Variants in SIK3 observed in about 807,000 individuals in gnomAD.
SIK3 encodes SIK family kinase 3.
A neutral mutation model predicts 144.2 loss-of-function variants in SIK3; 28 were observed. The ratio of observed to expected loss-of-function variants is 0.19; its 90% CI spans 0.14 to 0.27. SIK3 has a LOEUF of 0.27. Among genes scored for constraint, SIK3 ranks in the 10% least tolerant of loss-of-function variants. The pLI, the probability that SIK3 is intolerant of heterozygous loss-of-function variation, is 1.00. For synonymous variants in SIK3, 686 were observed against 676.3 expected (o/e 1.01, Z -0.22); for missense variants, 1,319 against 1,776.0 (o/e 0.74, Z 4.62).
At chr11:116,972,140 C>CAA (rs1022219474) in intron 1 of SIK3, among the ~76,000 whole-genome samples, 5 of 150,948 alleles carry the variant, frequency 3.3e-5, no homozygotes, top group African/African-American at 1.2e-4. Flanking sequence ...TTAACCCATA[C>CAA]AACAACCCTA....
intron 4 of SIK3, among the ~76,000 whole-genome samples, chr11:116,902,808 A>AC (rs994729357): frequency 6.6e-6 from 1 of 152,038 alleles, no homozygotes; most frequent in African/African-American, 2.4e-5. Context: ...GACACCTTTT[A>AC]CCCCCCAATT....
intron 21 of SIK3, among the ~76,000 whole-genome samples, chr11:116,852,810 G>T (rs555324410): frequency 6.6e-6 from 1 of 152,212 alleles, no homozygotes; most frequent in African/African-American, 2.4e-5. Context: ...ATTTCCAGGA[G>T]AAGCCTCTGA....
chr11:117,002,964 G>A (rs747962126), intron 1 of SIK3, among the ~76,000 whole-genome samples: 1 of 152,216 alleles, frequency 6.6e-6, no homozygotes, highest in African/African-American at 2.4e-5. Context: ...CAGTACTGAT[G>A]AAGTCCGGAT....
chr11:116,966,678 A>T (rs915346925), intron 1 of SIK3, among the ~76,000 whole-genome samples: 5 of 134,388 alleles, frequency 3.7e-5, no homozygotes, highest in Admixed American at 7.2e-5. Context: ...TGAAATTTTT[A>T]AAAAAGTAGT....
chr11:117,007,254 T>C (rs748850490), intron 1 of SIK3, among the ~76,000 whole-genome samples: 3 of 152,172 alleles, frequency 2.0e-5, no homozygotes, highest in Non-Finnish European at 4.4e-5. Flanking sequence ...GGTGAGCACC[T>C]GTAATCCCAG....
At chr11:116,881,075 G>C (rs1944520348) in intron 6 of SIK3, among the ~76,000 whole-genome samples, 1 of 152,056 alleles carries the variant, frequency 6.6e-6, no homozygotes, top group South Asian at 2.1e-4. Context: ...AGTGAGCCGA[G>C]ATCGCACCAC....
intron 1 of SIK3, among the ~76,000 whole-genome samples, chr11:116,987,336 A>C (rs1007097834): frequency 6.6e-6 from 1 of 151,820 alleles, no homozygotes; most frequent in African/African-American, 2.4e-5. Context: ...AAAAAAAAAA[A>C]AACACAGAGA....
intron 1 of SIK3, among the ~76,000 whole-genome samples, chr11:116,969,949 T>C (rs567985393): frequency 6.6e-6 from 1 of 152,292 alleles, no homozygotes; most frequent in Non-Finnish European, 1.5e-5. Context: ...ACCCCTCTAA[T>C]CCTCAATGTT....
rs112983703 is a variant in SIK3, at chr11:116,930,039, C to CT, written c.455-2660dup. ...AGATACAAAGAAGATAAACAAATCACTTTTTTTTTTCCCCTGGACTCTAAA... is the reference window on the plus strand; with the variant it reads ...AGATACAAAGAAGATAAACAAATCACTTTTTTTTTTTCCCCTGGACTCTAAA... On this transcript the variant is annotated intron_variant, in intron 3 of 24. Transcript: ENST00000445177. 7.5e-3 allele frequency among the ~76,000 whole-genome samples: 1,121 copies of CT among 149,860 alleles called. 13 individuals carry two copies. Among genetic ancestry groups the CT allele is most frequent in the African/African-American group, 0.023 (945 of 40,916 alleles).
chr11:117,028,068 T>C (rs1250156921), intron 1 of SIK3, among the ~76,000 whole-genome samples: 1 of 152,156 alleles, frequency 6.6e-6, no homozygotes, highest in East Asian at 1.9e-4. Context: ...ACTTTTATTA[T>C]TACTACTACT....
chr11:116,879,501 T>A (rs1944442657), intron 6 of SIK3, among the ~76,000 whole-genome samples: 1 of 152,196 alleles, frequency 6.6e-6, no homozygotes, highest in Non-Finnish European at 1.5e-5. Flanking sequence ...CTATTATACA[T>A]CTCCACATGG....
In SIK3 at chr11:116,919,896, G is replaced by A. The variant is rs535957760; in HGVS notation, c.616+7323C>T. ...TGCTTTCTCTCTTGAATTTGTTGCC[G>A]TTTTCTTCCTTTGCATGTTTACTGC... On this transcript the variant is annotated intron_variant, in intron 4 of 24. Transcript: ENST00000445177. 4.6e-5 allele frequency among the ~76,000 whole-genome samples: 7 copies of A among 152,174 alleles called. No individual in the cohort carries two copies. In the East Asian group the frequency reaches 7.7e-4, roughly 17 times the overall value.
chr11:117,002,600 T>G (rs1186454110), intron 1 of SIK3, among the ~76,000 whole-genome samples: 1 of 152,058 alleles, frequency 6.6e-6, no homozygotes, highest in South Asian at 2.1e-4. Flanking sequence ...TAAGCCTGCA[T>G]CTTAGTCCAT....
intron 1 of SIK3, among the ~76,000 whole-genome samples, chr11:117,054,275 G>A (rs2135926326): frequency 6.6e-6 from 1 of 152,330 alleles, no homozygotes. Flanking sequence ...CAAAAAGAAG[G>A]CAGGTACAGC....
At chr11:116,879,975 G>A (rs569975871) in intron 6 of SIK3, among the ~76,000 whole-genome samples, 1 of 152,302 alleles carries the variant, frequency 6.6e-6, no homozygotes, top group Admixed American at 6.5e-5. Context: ...CTCCTGTGTA[G>A]GGAGAAGGCT....
rs542800863 is a variant in SIK3 at position 116,874,250 on chromosome 11, T to G, written c.1428-194A>C. ...ATTTAACTCTCTGCTCCTTTACTAT[T>G]TGGGACGAAGGATTGCTATTCTTTA... On this transcript the variant is annotated intron_variant, in intron 11 of 24. Coordinates refer to ENST00000445177, the MANE Select transcript of SIK3 (RefSeq NM_001366686.3). 8.9e-4 allele frequency among the ~76,000 whole-genome samples: 135 copies of G among 152,338 alleles called. 1 individual carries two copies. The highest frequency in any genetic ancestry group is 3.2e-3 in the African/African-American group (132 of 41,580).
intron 13 of SIK3, among the ~76,000 whole-genome samples, chr11:116,871,357 T>C (rs1943961477): frequency 6.6e-6 from 1 of 152,198 alleles, no homozygotes; most frequent in South Asian, 2.1e-4. Flanking sequence ...CCTGGATCCC[T>C]TCCCACAGTT....
chr11:117,086,686 G>A (rs1390284991), intron 1 of SIK3, among the ~76,000 whole-genome samples: 37 of 141,066 alleles, frequency 2.6e-4, no homozygotes, highest in African/African-American at 5.6e-4. Flanking sequence ...GTGAGACTCC[G>A]TCTCAAAAAA....
At chr11:117,075,843 T>TTC (rs1954496367) in intron 1 of SIK3, among the ~76,000 whole-genome samples, 1 of 135,636 alleles carries the variant, frequency 7.4e-6, no homozygotes, top group Non-Finnish European at 1.6e-5. Context: ...AGCCTGGCTT[T>TTC]TTTTTTTTTT....
Sources: gnomAD v4.1 joint callset for allele counts (sites outside exome capture counted in the v4.1 genomes callset) on GRCh38, gnomAD v4.1.1 for gene constraint, MANE v1.5 for transcripts, NCBI Gene and HGNC (gene_info 2026-07-23, HGNC 2026-07-21) for gene names.